Variants in NDRG1 observed in about 807,000 individuals in gnomAD.
The protein encoded by NDRG1 is N-myc downstream regulated 1.
Under a neutral mutation model 56.9 loss-of-function variants are expected in NDRG1, and 32 were observed. The observed-to-expected ratio is 0.56, with a 90% confidence interval of 0.42 to 0.76. The LOEUF (loss-of-function observed/expected upper bound fraction) is 0.76. Ranked by LOEUF, NDRG1 falls within the 30% of genes least tolerant of loss-of-function variation. The pLI is 0.00. For missense variants in NDRG1, 507 were observed against 545.7 expected, an observed-to-expected ratio of 0.93 and a Z score of 0.71; for synonymous variants, 211 against 204.1, an observed-to-expected ratio of 1.03 and a Z score of -0.29.
At chr8:133,250,908 T>TA (rs75259677) in intron 9 of NDRG1, among the ~76,000 whole-genome samples, 15,643 of 124,740 alleles carry the variant, frequency 0.13, 1,024 homozygotes, top group Middle Eastern at 0.16. Flanking sequence ...TCAGATCTCT[T>TA]AAAAAAAAAA....
At chr8:133,252,702 G>A (rs1165455453) in intron 9 of NDRG1, among the ~76,000 whole-genome samples, 1 of 151,610 alleles carries the variant, frequency 6.6e-6, no homozygotes, top group African/African-American at 2.4e-5. Context: ...CTCCAGAGTG[G>A]GGCCTCTATT....
At chr8:133,271,029 A>G (rs1211346233) in intron 3 of NDRG1, among the ~76,000 whole-genome samples, 2 of 152,188 alleles carry the variant, frequency 1.3e-5, no homozygotes, top group Non-Finnish European at 2.9e-5. Flanking sequence ...ATTAGTGTGA[A>G]GCTCCCAGGG....
intron 1 of NDRG1, among the ~76,000 whole-genome samples, chr8:133,287,965 T>A (rs919321413): frequency 6.8e-6 from 1 of 148,040 alleles, no homozygotes; most frequent in African/African-American, 2.6e-5. Context: ...ACACACACAC[T>A]CTCAAATGCA....
At chr8:133,247,195 AT>A (rs1403196115) in intron 12 of NDRG1, among the ~76,000 whole-genome samples, 1 of 152,194 alleles carries the variant, frequency 6.6e-6, no homozygotes, top group African/African-American at 2.4e-5. Context: ...ACCTCCCTTG[AT>A]TTGAACAGTG....
At chr8:133,257,330 G>GAC (rs1174771236) in intron 7 of NDRG1, among the ~76,000 whole-genome samples, 34 of 118,686 alleles carry the variant, frequency 2.9e-4, no homozygotes, top group South Asian at 2.5e-3. Flanking sequence ...GAGAGAGACA[G>GAC]AGTTATGCAT....
At chr8:133,250,358 T>C in intron 10 of NDRG1, 82 bp downstream of exon 10, 1 of 1,229,618 alleles carries the variant, frequency 8.1e-7, no homozygotes, top group Non-Finnish European at 1.2e-6. Context: ...TTTTATACTC[T>C]CCCTCTCATC....
intron 1 of NDRG1, among the ~76,000 whole-genome samples, chr8:133,291,188 G>T (rs1015690859): frequency 3.3e-5 from 5 of 152,190 alleles, no homozygotes; most frequent in African/African-American, 1.2e-4. Context: ...TCCACCCTCT[G>T]TAACATGCCT....
At chr8:133,283,201 G>A (rs1481895339) in intron 2 of NDRG1, among the ~76,000 whole-genome samples, 1 of 152,158 alleles carries the variant, frequency 6.6e-6, no homozygotes, top group Admixed American at 6.5e-5. Context: ...AAATGAGTAC[G>A]ATCACAGAAC....
intron 3 of NDRG1, among the ~76,000 whole-genome samples, chr8:133,273,396 C>T (rs1478985152): frequency 6.6e-6 from 1 of 152,216 alleles, no homozygotes. Flanking sequence ...ATTGAATCAG[C>T]TTTCACCATC....
Position 133,273,999 on chromosome 8 carries a change from G to A in NDRG1, c.99+6233C>T, listed in dbSNP as rs145443079. Among the ~76,000 whole-genome samples the A allele has an allele frequency of 1.3e-4, 20 of 152,236 alleles. No individual in the cohort carries two copies. In the East Asian group the frequency reaches 3.5e-3, roughly 26 times the overall value. Reference sequence around the variant, plus strand: ...TCAGACCGTGTCCTTCCTGCAACCCGGACACCTAGGCCAGCAGCCCGCCCA... The same window carrying A: ...TCAGACCGTGTCCTTCCTGCAACCCAGACACCTAGGCCAGCAGCCCGCCCA... On this transcript the variant is annotated intron_variant, in intron 3 of 15. Transcript: ENST00000323851.
At chr8:133,259,314 C>T (rs1856546059) in intron 5 of NDRG1, 84 bp from the exon 6 acceptor site, 10 of 1,405,556 alleles carry the variant, frequency 7.1e-6, no homozygotes, top group Non-Finnish European at 8.1e-6. Context: ...AGGGTGGGGA[C>T]CATGCAGCAG....
intron 13 of NDRG1, chr8:133,244,717 T>C (rs1855573115): frequency 4.0e-5 from 20 of 494,010 alleles, no homozygotes; most frequent in Middle Eastern, 1.1e-3. Flanking sequence ...CAGGAAGAGC[T>C]TGAGGGACTC....
chr8:133,274,266 A>T (rs1857343272), intron 3 of NDRG1, among the ~76,000 whole-genome samples: 1 of 152,264 alleles, frequency 6.6e-6, no homozygotes, highest in African/African-American at 2.4e-5. Flanking sequence ...AGACTCCGCC[A>T]GCAGCTCCTC....
intron 10 of NDRG1, chr8:133,249,283 G>T: frequency 4.8e-6 from 1 of 207,850 alleles, no homozygotes; most frequent in Non-Finnish European, 1.0e-5. Flanking sequence ...GGCCCAGTGT[G>T]GGTCCAGCCC....
intron 13 of NDRG1, 186 bp from the exon 14 acceptor site, chr8:133,244,576 G>A (rs1479224648): frequency 2.9e-6 from 2 of 684,902 alleles, no homozygotes; most frequent in South Asian, 1.6e-5. Flanking sequence ...GGCTGCTGGT[G>A]TCTCCGTGGC....
At chr8:133,286,911 T>C (rs902537451) in intron 1 of NDRG1, among the ~76,000 whole-genome samples, 8 of 152,296 alleles carry the variant, frequency 5.3e-5, no homozygotes, top group African/African-American at 1.7e-4. Flanking sequence ...GGTCGCGTCC[T>C]GCAATACTAA....
chr8:133,285,073 G>A (rs1183454633), intron 1 of NDRG1, among the ~76,000 whole-genome samples: 4 of 152,182 alleles, frequency 2.6e-5, no homozygotes, highest in African/African-American at 9.7e-5. Context: ...GTGCAGAAGT[G>A]TGGGCTGCAA....
At chr8:133,277,238 G>A (rs1857500286) in intron 3 of NDRG1, among the ~76,000 whole-genome samples, 1 of 152,222 alleles carries the variant, frequency 6.6e-6, no homozygotes, top group African/African-American at 2.4e-5. Flanking sequence ...AGAATGAGGA[G>A]TTGTTTAATG....
At chr8:133,296,710 C>G (rs562128407) in intron 1 of NDRG1, 3 of 305,148 alleles carry the variant, frequency 9.8e-6, no homozygotes, top group Admixed American at 7.9e-5. Flanking sequence ...CACACACACA[C>G]ACACACACAC....
Sources: allele counts gnomAD v4.1 joint callset (sites outside exome capture counted in the v4.1 genomes callset), GRCh38; gene constraint gnomAD v4.1.1; transcripts MANE v1.5; gene names NCBI Gene and HGNC (gene_info 2026-07-23, HGNC 2026-07-21).